Variants in OTUD3 observed in about 807,000 individuals in gnomAD.
The protein encoded by OTUD3 is OTU deubiquitinase 3.
Under a neutral mutation model 46.2 loss-of-function variants are expected in OTUD3, and 24 were observed. The ratio of observed to expected loss-of-function variants is 0.52; its 90% CI spans 0.38 to 0.73. The LOEUF (loss-of-function observed/expected upper bound fraction) is 0.73. Among genes scored for constraint, OTUD3 ranks in the 30% least tolerant of loss-of-function variants. OTUD3 has a pLI of 0.00. For synonymous variants in OTUD3, 189 were observed against 195.4 expected (o/e 0.97, Z 0.27); for missense variants, 455 against 523.3 (o/e 0.87, Z 1.27).
chr1:19,896,288 T>C (rs2045517247), intron 3 of OTUD3, among the ~76,000 whole-genome samples: 4 of 152,068 alleles, frequency 2.6e-5, no homozygotes, highest in Admixed American at 2.6e-4. Context: ...TAACATAGAA[T>C]GTGAAAGTCC....
rs2045740370 is a variant in OTUD3, at chr1:19,912,083, A to G, written c.*4337A>G. ...GGGCTGGTACCAGTGTAAAGAATCTATTTCTGTAAAACTACGAACTTTTGC... is the reference window on the plus strand; with the variant it reads ...GGGCTGGTACCAGTGTAAAGAATCTGTTTCTGTAAAACTACGAACTTTTGC... On this transcript the variant is annotated 3_prime_UTR_variant, in exon 8 of 8. Coordinates refer to ENST00000375120, the MANE Select transcript of OTUD3 (RefSeq NM_015207.2). The G allele has an allele frequency of 6.6e-6, 1 of 152,330 alleles. No homozygotes were observed. The highest frequency in any genetic ancestry group is 1.5e-5 in the Non-Finnish European group (1 of 68,030). The allele number at this position is 152,330 out of a possible 1,614,324, so 9.4% of individuals were successfully genotyped here. A position where few individuals can be genotyped will look rare whatever the true frequency, so the allele number is the denominator to read the frequency against.
chr1:19,890,397 C>G lies in OTUD3; in HGVS notation c.234C>G (p.Phe78Leu), dbSNP rs1471337669. Reference protein sequence around the residue: ...REVPGDGNCLFRALGDQLEGH... With the variant: ...REVPGDGNCLLRALGDQLEGH... The stretch of plus-strand genomic sequence containing the variant: ...GTTGTTTTGACAGCAATTGCTTGTT[C>G]AGAGCTCTTGGTGATCAATTGGAGG... The change falls in exon 2 of 8, where the codon TTC becomes TTG. Residue 78 changes from phenylalanine to leucine, a missense_variant. Physicochemically the swap from Phe to Leu is conservative, Grantham distance 22 (BLOSUM62 0). Coordinates refer to ENST00000375120, the MANE Select transcript of OTUD3 (RefSeq NM_015207.2). 1 of 1,613,820 alleles carries G rather than the reference C, an allele frequency of 6.2e-7. No individual in the cohort carries two copies. The highest frequency in any genetic ancestry group is 1.7e-5 in the Admixed American group (1 of 60,008).
In OTUD3 at chr1:19,892,647, C is replaced by T. The variant is rs2045463904; in HGVS notation, c.371-1721C>T. ...ATCTTCCTCCCTTCTCTTACCCGTT[C>T]ATTACATGTTATCACTCTACCTCAG... is the stretch of plus-strand genomic sequence containing the variant. On this transcript the variant is annotated intron_variant, in intron 2 of 7. Transcript: ENST00000375120. Among the ~76,000 whole-genome samples the T allele has an allele frequency of 1.3e-5, 2 of 152,142 alleles. 1 individual carries two copies. The highest frequency in any genetic ancestry group is 1.3e-4 in the Admixed American group (2 of 15,274).
At chr1:19,893,296 A>G (rs1017384907) in intron 2 of OTUD3, among the ~76,000 whole-genome samples, 6 of 152,096 alleles carry the variant, frequency 3.9e-5, no homozygotes, top group South Asian at 2.1e-4. Context: ...TGGTAGTAGG[A>G]CTCACAGAAC....
At chr1:19,904,222 T>A in intron 4 of OTUD3, 45 bp from the exon 5 acceptor site, 1 of 1,494,390 alleles carries the variant, frequency 6.7e-7, no homozygotes, top group Non-Finnish European at 9.0e-7. Flanking sequence ...CTGAACATAG[T>A]TTGATTCTCA....
At chr1:19,891,102 C>G in intron 2 of OTUD3, among the ~76,000 whole-genome samples, 1 of 152,058 alleles carries the variant, frequency 6.6e-6, no homozygotes, top group East Asian at 1.9e-4. Context: ...TAGACTTTTT[C>G]TGACTTTTAG....
intron 2 of OTUD3, among the ~76,000 whole-genome samples, chr1:19,893,215 A>G (rs964499387): frequency 1.3e-5 from 2 of 152,198 alleles, no homozygotes; most frequent in Non-Finnish European, 2.9e-5. Flanking sequence ...CAGTCCTTGC[A>G]TGACTTCCCT....
At chr1:19,900,942 G>T in intron 4 of OTUD3, among the ~76,000 whole-genome samples, 1 of 122,202 alleles carries the variant, frequency 8.2e-6, no homozygotes, top group East Asian at 2.6e-4. Flanking sequence ...TTTTGAGACA[G>T]AGTCTTGCTC....
chr1:19,885,881 G>T (rs2045352795), intron 1 of OTUD3, among the ~76,000 whole-genome samples: 1 of 152,216 alleles, frequency 6.6e-6, no homozygotes, highest in Non-Finnish European at 1.5e-5. Context: ...ATCTGGAGTA[G>T]CCTGATACAG....
In OTUD3 at chr1:19,907,807, T is replaced by G; in HGVS notation, c.*61T>G. On this transcript the variant is annotated 3_prime_UTR_variant, in exon 8 of 8. Coordinates refer to ENST00000375120, the MANE Select transcript of OTUD3 (RefSeq NM_015207.2). ...GAAAAGGATTGCTGTGTGCTAGACT[T>G]TCCAGTGAGGCCGTCCTTTTATAAA... 3 of 1,504,388 alleles carry G rather than the reference T, an allele frequency of 2.0e-6. No homozygotes were observed. The highest frequency in any genetic ancestry group is 1.8e-6 in the Non-Finnish European group (2 of 1,095,316). The allele number at this position is 1,504,388 out of a possible 1,614,324, so 93.2% of individuals were successfully genotyped here.
rs533389856 is a variant in OTUD3 at position 19,907,712 on chromosome 1, C to T, written c.1163C>T (p.Thr388Ile). Residue 388 changes from threonine to isoleucine, a missense_variant, in exon 8 of 8, where the codon ACC becomes ATC. Physicochemically the swap from Thr to Ile is moderately conservative, Grantham distance 89. Transcript: ENST00000375120. ...GAAGCAGAGGCGAACACGCAGGTCACCTTGGTGAAGACCTTCGCCGCTCTC... is the reference window on the plus strand; with the variant it reads ...GAAGCAGAGGCGAACACGCAGGTCATCTTGGTGAAGACCTTCGCCGCTCTC... ...RSEAEANTQVTLVKTFAALNI is the reference protein window; with the variant it reads ...RSEAEANTQVILVKTFAALNI 1.2e-6 allele frequency: 2 copies of T among 1,614,224 alleles called. No homozygotes were observed. Among genetic ancestry groups the T allele is most frequent in the Non-Finnish European group, 1.7e-6 (2 of 1,180,036 alleles).
At position 19,892,578 on chromosome 1, in the gene OTUD3, A is replaced by G. The variant is rs552432678; in HGVS notation, c.371-1790A>G. Among the ~76,000 whole-genome samples the G allele has an allele frequency of 2.0e-5, 3 of 152,064 alleles. No individual in the cohort carries two copies. In the East Asian group the frequency reaches 5.8e-4, roughly 29 times the overall value. ...GAGAATCAGCAACATCTTTCCCCCA[A>G]CTGTACAAGTATCCAGGTCAGAACC... On this transcript the variant is annotated intron_variant, in intron 2 of 7. Transcript: ENST00000375120.
At chr1:19,887,516 C>A (rs185001313) in intron 1 of OTUD3, among the ~76,000 whole-genome samples, 1 of 152,328 alleles carries the variant, frequency 6.6e-6, no homozygotes, top group Non-Finnish European at 1.5e-5. Context: ...TTAAACAACA[C>A]ACATCTAGAC....
In OTUD3 at chr1:19,906,582, A is replaced by G. The variant is rs373747321; in HGVS notation, c.986A>G (p.Glu329Gly). ...AATAAGGCACAGGCCAGCCCTAGTG[A>G]AGAAAACAAAGCAAATAAAAACCAG... Reference protein sequence around the residue: ...ENNKAQASPSEENKANKNQLA... With the variant: ...ENNKAQASPSGENKANKNQLA... The change falls in exon 7 of 8, where the codon GAA becomes GGA. Residue 329 changes from glutamate (E) to glycine (G), a missense_variant. Transcript: ENST00000375120. 3 of 1,612,790 alleles carry G rather than the reference A, an allele frequency of 1.9e-6. No individual in the cohort carries two copies. In the African/African-American group the frequency reaches 4.0e-5, roughly 22 times the overall value.
intron 3 of OTUD3, 69 bp from the exon 4 acceptor site, chr1:19,897,471 T>G (rs985351634): frequency 6.4e-7 from 1 of 1,557,738 alleles, no homozygotes; most frequent in Non-Finnish European, 8.8e-7. Context: ...GCAGTCCAGG[T>G]GGGTGTTTCT....
At position 19,912,273 on chromosome 1, in the gene OTUD3, G is replaced by A. The variant is rs2045743220; in HGVS notation, c.*4527G>A. The stretch of plus-strand genomic sequence containing the variant: ...GCTGCCAGCCATCCATGACAATCAT[G>A]TGAGCTCAGCCACAGACCTCAGCTG... On this transcript the variant is annotated 3_prime_UTR_variant, in exon 8 of 8. Coordinates refer to ENST00000375120, the MANE Select transcript of OTUD3 (RefSeq NM_015207.2). The A allele has an allele frequency of 6.6e-6, 1 of 152,360 alleles. No individual in the cohort carries two copies. Among genetic ancestry groups the A allele is most frequent in the Admixed American group, 6.5e-5 (1 of 15,282 alleles). The allele number at this position is 152,360 out of a possible 1,614,324, so 9.4% of individuals were successfully genotyped here.
chr1:19,892,936 C>A (rs770302648), intron 2 of OTUD3, among the ~76,000 whole-genome samples: 58 of 152,048 alleles, frequency 3.8e-4, no homozygotes, highest in African/African-American at 1.4e-3. Context: ...TCTTGCCATT[C>A]CCCCCAACAT....
chr1:19,904,195 G>T lies in OTUD3; in HGVS notation c.607-72G>T, dbSNP rs1571181980. ...TATATGAATTTTTCCAGATTAGAGT[G>T]TCTTGTGTTAAAGATTCTGAACATA... On this transcript the variant is annotated intron_variant, in intron 4 of 7. Transcript: ENST00000375120. The T allele has an allele frequency of 2.4e-6, 3 of 1,242,316 alleles. No individual in the cohort carries two copies. The African/African-American group carries it at 4.5e-5, about 19-fold the overall frequency. The allele number at this position is 1,242,316 out of a possible 1,614,324, so 77.0% of individuals were successfully genotyped here. A position where few individuals can be genotyped will look rare whatever the true frequency, so the allele number is the denominator to read the frequency against.
intron 1 of OTUD3, among the ~76,000 whole-genome samples, chr1:19,888,222 CA>C (rs1004970253): frequency 3.3e-5 from 5 of 152,072 alleles, no homozygotes; most frequent in Non-Finnish European, 4.4e-5. Context: ...CCTCCCACAA[CA>C]AAAAAATGAT....
Sources: allele counts gnomAD v4.1 joint callset (sites outside exome capture counted in the v4.1 genomes callset), GRCh38; gene constraint gnomAD v4.1.1; transcripts MANE v1.5; gene names NCBI Gene and HGNC (gene_info 2026-07-23, HGNC 2026-07-21).